MIR2052HG: variants seen among roughly 807,000 people sequenced by gnomAD.
MIR2052HG encodes the protein MIR2052 host gene.
At chr8:74,698,395 A>T (rs763885277) in intron 2 of MIR2052HG, among the ~76,000 whole-genome samples, 8 of 152,254 alleles carry the variant, frequency 5.3e-5, no homozygotes, top group Non-Finnish European at 8.8e-5. Context: ...ACCTAAAACC[A>T]TAAAAATTCT....
intron 2 of MIR2052HG, among the ~76,000 whole-genome samples, chr8:74,671,805 G>A (rs1808995487): frequency 6.6e-6 from 1 of 152,028 alleles, no homozygotes; most frequent in African/African-American, 2.4e-5. Context: ...TGCTCACTAA[G>A]GTTGAATTTT....
At chr8:74,641,133 A>G (rs1271347462) in intron 2 of MIR2052HG, among the ~76,000 whole-genome samples, 1 of 152,218 alleles carries the variant, frequency 6.6e-6, no homozygotes, top group Non-Finnish European at 1.5e-5. Flanking sequence ...AGAAATTGCT[A>G]GGACATTTAC....
chr8:74,671,022 A>G (rs1183779082), intron 2 of MIR2052HG, among the ~76,000 whole-genome samples: 4 of 151,862 alleles, frequency 2.6e-5, no homozygotes, highest in Non-Finnish European at 5.9e-5. Context: ...ATCACTTTCT[A>G]GGAAAGATAA....
At chr8:74,687,554 T>C (rs1249383976) in intron 2 of MIR2052HG, among the ~76,000 whole-genome samples, 1 of 152,094 alleles carries the variant, frequency 6.6e-6, no homozygotes, top group Non-Finnish European at 1.5e-5. Context: ...CTGGAGAACA[T>C]TATACTAAGT....
At chr8:74,697,277 T>C (rs1755174788) in intron 2 of MIR2052HG, among the ~76,000 whole-genome samples, 1 of 152,042 alleles carries the variant, frequency 6.6e-6, no homozygotes, top group Non-Finnish European at 1.5e-5. Context: ...AAATCCAACA[T>C]CCCTTTATGA....
chr8:74,752,020 T>A (rs188735894), intron 4 of MIR2052HG, among the ~76,000 whole-genome samples: 71 of 152,160 alleles, frequency 4.7e-4, no homozygotes, highest in Non-Finnish European at 6.3e-4. Flanking sequence ...TAGTCATACA[T>A]CTGTAATCCC....
At chr8:74,651,431 T>C (rs1808751127) in intron 2 of MIR2052HG, among the ~76,000 whole-genome samples, 1 of 152,166 alleles carries the variant, frequency 6.6e-6, no homozygotes, top group Non-Finnish European at 1.5e-5. Flanking sequence ...AGTATGAATA[T>C]ATGATTTTGG....
At chr8:74,649,044 A>G (rs775955511) in intron 2 of MIR2052HG, among the ~76,000 whole-genome samples, 9 of 152,084 alleles carry the variant, frequency 5.9e-5, no homozygotes, top group Non-Finnish European at 1.2e-4. Flanking sequence ...TATGAATAGG[A>G]GACAGAAGTC....
chr8:74,637,615 T>C (rs188677055), intron 2 of MIR2052HG, among the ~76,000 whole-genome samples: 1 of 152,280 alleles, frequency 6.6e-6, no homozygotes, highest in African/African-American at 2.4e-5. Context: ...CTTTCATGAG[T>C]ATCACTCTGA....
intron 4 of MIR2052HG, among the ~76,000 whole-genome samples, chr8:74,712,745 T>C (rs893477389): frequency 2.6e-5 from 4 of 151,808 alleles, no homozygotes; most frequent in Non-Finnish European, 4.4e-5. Context: ...CATTCAAATG[T>C]ACTTAAGACT....
chr8:74,657,852 T>C (rs962295300), intron 2 of MIR2052HG, among the ~76,000 whole-genome samples: 1 of 151,998 alleles, frequency 6.6e-6, no homozygotes, highest in Non-Finnish European at 1.5e-5. Flanking sequence ...CAAAGTGAGA[T>C]TTGGGTGGGG....
At chr8:74,703,541 G>A in intron 3 of MIR2052HG, 3 of 392,688 alleles carry the variant, frequency 7.6e-6, no homozygotes, top group Non-Finnish European at 1.0e-5. Flanking sequence ...AAATGGAATT[G>A]TGACCCATCC....
chr8:74,737,649 TAG>T (rs530347621), intron 4 of MIR2052HG, among the ~76,000 whole-genome samples: 61 of 152,284 alleles, frequency 4.0e-4, no homozygotes, highest in Admixed American at 7.2e-4. Flanking sequence ...CAAATTCTTG[TAG>T]AGAGTCTAAT....
intron 2 of MIR2052HG, among the ~76,000 whole-genome samples, chr8:74,626,896 C>G (rs1808444303): frequency 6.6e-6 from 1 of 152,212 alleles, no homozygotes; most frequent in Non-Finnish European, 1.5e-5. Flanking sequence ...CCTTTCATAT[C>G]TTACTATTTT....
intron 2 of MIR2052HG, among the ~76,000 whole-genome samples, chr8:74,665,966 G>A (rs1311735681): frequency 6.6e-6 from 1 of 152,118 alleles, no homozygotes; most frequent in Admixed American, 6.6e-5. Flanking sequence ...TGAGTGTGAG[G>A]CCTCCCCAGC....
At chr8:74,662,265 T>C (rs1305828154) in intron 2 of MIR2052HG, among the ~76,000 whole-genome samples, 1 of 152,192 alleles carries the variant, frequency 6.6e-6, no homozygotes, top group East Asian at 1.9e-4. Context: ...AGGCATCGCT[T>C]CACTTTTGTA....
At chr8:74,715,025 C>T (rs1809507109) in intron 4 of MIR2052HG, among the ~76,000 whole-genome samples, 1 of 152,052 alleles carries the variant, frequency 6.6e-6, no homozygotes, top group Non-Finnish European at 1.5e-5. Context: ...CCAAACACAT[C>T]TTTGCCAGGC....
At chr8:74,748,333 T>A (rs1297360420) in intron 4 of MIR2052HG, among the ~76,000 whole-genome samples, 1 of 152,106 alleles carries the variant, frequency 6.6e-6, no homozygotes, top group African/African-American at 2.4e-5. Flanking sequence ...AGTCCAGGAG[T>A]ACCAGCTCTG....
chr8:74,667,561 C>G (rs895877007), intron 2 of MIR2052HG, among the ~76,000 whole-genome samples: 5 of 151,914 alleles, frequency 3.3e-5, no homozygotes, highest in African/African-American at 1.2e-4. Flanking sequence ...TTTAAAGTAT[C>G]TTTTGCCTCA....
Sources: gnomAD v4.1 joint callset for allele counts (sites outside exome capture counted in the v4.1 genomes callset) on GRCh38, gnomAD v4.1.1 for gene constraint, MANE v1.5 for transcripts, NCBI Gene and HGNC (gene_info 2026-07-23, HGNC 2026-07-21) for gene names.